Variants in GABRG3 observed in about 807,000 individuals in gnomAD.
GABRG3 encodes gamma-aminobutyric acid receptor subunit gamma-3.
In GABRG3, 25 loss-of-function variants were observed where a neutral mutation model predicts 48.8. The observed-to-expected ratio is 0.51, with a 90% CI of 0.37 to 0.72. GABRG3 has a LOEUF of 0.72. GABRG3 is among the 30% of genes least tolerant of loss of function. GABRG3 has a pLI of 0.00. For synonymous variants in GABRG3, 227 were observed against 217.6 expected (o/e 1.04, Z -0.38); for missense variants, 394 against 577.9 (o/e 0.68, Z 3.26).
rs1475508178 is a variant in GABRG3, at chr15:27,520,148, A to G, written c.865+24A>G. The G allele has an allele frequency of 2.5e-6, 4 of 1,579,796 alleles. No homozygotes were observed. In the South Asian group the frequency reaches 3.6e-5, roughly 14 times the overall value. On this transcript the variant is annotated intron_variant, in intron 7 of 9. Transcript: ENST00000615808. The stretch of plus-strand genomic sequence containing the variant: ...AGGTGAGTTTCAAAAAATCTCTTCC[A>G]CAAATTTGCGTAATTGTAATATAGA...
At chr15:27,212,152 G>A (rs1889099478) in intron 3 of GABRG3, among the ~76,000 whole-genome samples, 1 of 152,188 alleles carries the variant, frequency 6.6e-6, no homozygotes, top group Admixed American at 6.5e-5. Context: ...ACAAATCAGT[G>A]TAACTGTATA....
chr15:27,184,701 G>A (rs1888038158), intron 3 of GABRG3, among the ~76,000 whole-genome samples: 1 of 152,104 alleles, frequency 6.6e-6, no homozygotes, highest in Non-Finnish European at 1.5e-5. Context: ...TTTAAATTAT[G>A]GATCCAATTT....
intron 5 of GABRG3, among the ~76,000 whole-genome samples, chr15:27,413,177 T>C (rs1048849129): frequency 1.3e-5 from 2 of 152,180 alleles, no homozygotes; most frequent in African/African-American, 4.8e-5. Flanking sequence ...TTAAAAAAAG[T>C]TTTATAGATA....
intron 3 of GABRG3, among the ~76,000 whole-genome samples, chr15:27,128,054 C>T (rs753637630): frequency 6.6e-6 from 1 of 152,178 alleles, no homozygotes; most frequent in Non-Finnish European, 1.5e-5. Context: ...AAAGGGAAAC[C>T]TTTCATCCTT....
intron 3 of GABRG3, among the ~76,000 whole-genome samples, chr15:27,067,840 G>A (rs914833247): frequency 2.5e-4 from 38 of 152,236 alleles, no homozygotes; most frequent in African/African-American, 8.7e-4. Flanking sequence ...GGTGTCTCTT[G>A]CTTGCAATCA....
intron 3 of GABRG3, among the ~76,000 whole-genome samples, chr15:27,096,110 A>G (rs1270141779): frequency 6.6e-6 from 1 of 152,210 alleles, no homozygotes; most frequent in Non-Finnish European, 1.5e-5. Flanking sequence ...ATACTAACTC[A>G]TGACAAATTG....
intron 3 of GABRG3, among the ~76,000 whole-genome samples, chr15:27,286,343 A>G (rs1272572201): frequency 6.6e-6 from 1 of 152,190 alleles, no homozygotes; most frequent in African/African-American, 2.4e-5. Context: ...AATCTGGGCC[A>G]TTTTCTTTTT....
intron 5 of GABRG3, among the ~76,000 whole-genome samples, chr15:27,341,656 C>T (rs1894183271): frequency 6.6e-6 from 1 of 152,106 alleles, no homozygotes; most frequent in Non-Finnish European, 1.5e-5. Context: ...AGGCTTTGAG[C>T]AGAGCAGAAT....
chr15:27,300,122 G>C (rs1000605122), intron 3 of GABRG3, among the ~76,000 whole-genome samples: 6 of 152,130 alleles, frequency 3.9e-5, no homozygotes, highest in African/African-American at 1.2e-4. Flanking sequence ...GAACACCATT[G>C]AACCTGCAGT....
At chr15:27,188,229 T>C (rs1368517852) in intron 3 of GABRG3, among the ~76,000 whole-genome samples, 6 of 152,194 alleles carry the variant, frequency 3.9e-5, no homozygotes, top group Admixed American at 3.3e-4. Flanking sequence ...TTATAGTCCT[T>C]TGAGTATATA....
At chr15:27,215,174 AT>A in intron 3 of GABRG3, among the ~76,000 whole-genome samples, 1 of 152,332 alleles carries the variant, frequency 6.6e-6, no homozygotes, top group Non-Finnish European at 1.5e-5. Flanking sequence ...CATGTTTTAG[AT>A]AACTCCTTGC....
intron 3 of GABRG3, among the ~76,000 whole-genome samples, chr15:27,127,847 G>T (rs964615839): frequency 3.3e-5 from 5 of 152,120 alleles, no homozygotes; most frequent in Admixed American, 3.3e-4. Context: ...GCACACAGTC[G>T]GCAGTAAGAA....
intron 3 of GABRG3, among the ~76,000 whole-genome samples, chr15:27,089,719 G>A (rs1167612924): frequency 2.0e-5 from 3 of 152,116 alleles, no homozygotes; most frequent in African/African-American, 4.8e-5. Flanking sequence ...TTGCCAGGAC[G>A]GCAAACACTC....
rs2150834076 is a variant in GABRG3, at chr15:27,457,859, T to C, written c.575-22791T>C. Among the ~76,000 whole-genome samples the C allele has an allele frequency of 6.6e-6, 1 of 152,340 alleles. No homozygotes were observed. The highest frequency in any genetic ancestry group is 1.9e-4 in the East Asian group (1 of 5,184). ...TCCCACTCAGGGAAACCATCAGCTT[T>C]CAATTGGAGTGTTCTCCTGACTCCA... On this transcript the variant is annotated intron_variant, in intron 5 of 9. Transcript: ENST00000615808. The surrounding 1 kb of genome is among the most constrained non-coding windows in gnomAD (Gnocchi z 4.4).
chr15:27,268,264 T>C (rs1241374025), intron 3 of GABRG3, among the ~76,000 whole-genome samples: 3 of 152,184 alleles, frequency 2.0e-5, no homozygotes, highest in African/African-American at 7.2e-5. Context: ...AATTTGGCCA[T>C]TTGTGTTTTA....
chr15:27,256,285 CA>C (rs1257928346), intron 3 of GABRG3, among the ~76,000 whole-genome samples: 1 of 151,650 alleles, frequency 6.6e-6, no homozygotes, highest in East Asian at 1.9e-4. Flanking sequence ...ACTAAAAATA[CA>C]AAAAATTAGC....
chr15:27,449,999 G>A (rs1889061113), intron 5 of GABRG3, among the ~76,000 whole-genome samples: 1 of 152,134 alleles, frequency 6.6e-6, no homozygotes, highest in Non-Finnish European at 1.5e-5. Flanking sequence ...ACATGATTTT[G>A]TAAACTCACC....
At chr15:27,077,553 C>A (rs185904563) in intron 3 of GABRG3, among the ~76,000 whole-genome samples, 15 of 152,236 alleles carry the variant, frequency 9.9e-5, no homozygotes, top group Admixed American at 3.9e-4. Context: ...TCTGTGCTGA[C>A]CTTCGTGGGT....
chr15:26,982,260 G>A (rs1227160199), intron 2 of GABRG3, among the ~76,000 whole-genome samples: 1 of 152,176 alleles, frequency 6.6e-6, no homozygotes, highest in Admixed American at 6.5e-5. Flanking sequence ...CAGTCAGAGA[G>A]CAAAGATACC....
Sources: allele counts gnomAD v4.1 joint callset (sites outside exome capture counted in the v4.1 genomes callset), GRCh38; gene constraint gnomAD v4.1.1; non-coding constraint Gnocchi (gnomAD v3.1); transcripts MANE v1.5; gene names NCBI Gene and HGNC (gene_info 2026-07-23, HGNC 2026-07-21).